The following BTBD2 variants were observed in gnomAD, a reference collection of about 807,000 sequenced individuals.
The protein encoded by BTBD2 is BTB/POZ domain-containing protein 2.
BTBD2 carries 15 observed loss-of-function variants against 44.0 expected under a neutral mutation model. The observed-to-expected ratio is 0.34, with a 90% CI of 0.23 to 0.53. The LOEUF is 0.53. Among genes scored for constraint, BTBD2 ranks in the 20% least tolerant of loss-of-function variants. The pLI is 0.95. For missense variants in BTBD2, 657 were observed against 746.4 expected (o/e 0.88, Z 1.39); for synonymous variants, 443 against 335.9 (o/e 1.32, Z -3.49).
intron 2 of BTBD2, among the ~76,000 whole-genome samples, chr19:1,995,285 T>C (rs2016236227): frequency 1.8e-5 from 1 of 56,394 alleles, no homozygotes; most frequent in African/African-American, 1.4e-4. Flanking sequence ...GATTCTTTTT[T>C]TTTTTTTTTT....
At position 1,986,902 on chromosome 19, in the gene BTBD2, G is replaced by C. The variant is rs771854296; in HGVS notation, c.1344C>G (p.Thr448=). The C allele has an allele frequency of 6.2e-7, 1 of 1,613,268 alleles. No homozygotes were observed. The highest frequency in any genetic ancestry group is 8.5e-7 in the Non-Finnish European group (1 of 1,179,824). ...CCGGCTCCTTGAACATGACGCGGAA[G>C]GTGCTGGCTGAGCCGTCGCAGCTGA... ...TGFSCDGSAS[T]FRVMFKEPVE... is the part of the protein sequence containing the mutation. Residue 448 remains threonine, a synonymous_variant, in exon 8 of 9, where the codon ACC becomes ACG. Coordinates refer to ENST00000255608, the MANE Select transcript of BTBD2 (RefSeq NM_017797.4).
At chr19:2,002,444 T>C (rs1387143601) in intron 1 of BTBD2, 3 of 152,200 alleles carry the variant, frequency 2.0e-5, no homozygotes, top group Non-Finnish European at 4.4e-5. Flanking sequence ...GGACTCCTGA[T>C]TTTAGTCAGA....
chr19:1,997,178 T>C (rs2016261983), intron 2 of BTBD2, among the ~76,000 whole-genome samples, 166 bp downstream of exon 2: 1 of 151,046 alleles, frequency 6.6e-6, no homozygotes, highest in Admixed American at 6.6e-5. Context: ...AGACTCCATC[T>C]CAAAAAGAAA....
intron 1 of BTBD2, among the ~76,000 whole-genome samples, chr19:2,008,707 C>T (rs949058482): frequency 3.3e-5 from 5 of 151,334 alleles, no homozygotes; most frequent in African/African-American, 7.3e-5. Context: ...TCCTCCTACC[C>T]GAGCCTCCTG....
chr19:2,009,615 G>A (rs1394904824), intron 1 of BTBD2, among the ~76,000 whole-genome samples: 6 of 151,964 alleles, frequency 3.9e-5, no homozygotes, highest in African/African-American at 1.2e-4. Flanking sequence ...TTGGGAGGCC[G>A]AGGTGGGTGG....
intron 1 of BTBD2, among the ~76,000 whole-genome samples, chr19:1,998,885 C>T (rs907910314): frequency 6.6e-6 from 1 of 152,090 alleles, no homozygotes; most frequent in Non-Finnish European, 1.5e-5. Flanking sequence ...TGCCCCAGGA[C>T]GTTGCGGTCC....
At chr19:2,009,714 G>A (rs913209377) in intron 1 of BTBD2, among the ~76,000 whole-genome samples, 7 of 152,008 alleles carry the variant, frequency 4.6e-5, no homozygotes, top group Non-Finnish European at 1.0e-4. Context: ...GCTGGGCGTG[G>A]TGGCGCACAC....
At chr19:2,003,257 A>C (rs1168203757) in intron 1 of BTBD2, 2 of 150,662 alleles carry the variant, frequency 1.3e-5, no homozygotes, top group East Asian at 4.0e-4. Context: ...GCAGATCACA[A>C]GGTCGGGAGT....
Position 1,986,126 on chromosome 19 carries a change from T to C in BTBD2, c.*362A>G, listed in dbSNP as rs777608231. On this transcript the variant is annotated 3_prime_UTR_variant, in exon 9 of 9. Transcript: ENST00000255608. ...ATCGCAAATGCATTGCAATGTGCAG[T>C]GAAGAGACGCGAGGGACGCCCGCGG... 3.7e-4 allele frequency: 109 copies of C among 290,734 alleles called. 1 individual carries two copies. The highest frequency in any genetic ancestry group is 1.1e-3 in the Middle Eastern group (1 of 952). 18.0% of individuals were successfully genotyped at this position (290,734 alleles called of 1,614,324 possible).
chr19:2,001,965 T>C (rs747806861), intron 1 of BTBD2, among the ~76,000 whole-genome samples: 1 of 152,192 alleles, frequency 6.6e-6, no homozygotes, highest in Non-Finnish European at 1.5e-5. Context: ...GGCCTCGAAC[T>C]CCTGACGTCA....
intron 2 of BTBD2, among the ~76,000 whole-genome samples, chr19:1,993,995 C>CAAAAAAAA (rs542137742): frequency 4.0e-5 from 1 of 24,940 alleles, no homozygotes; most frequent in Non-Finnish European, 7.1e-5. Context: ...GAATCCGTCT[C>CAAAAAAAA]AAAAAAAAAA....
chr19:2,013,329 C>G (rs144524550), intron 1 of BTBD2, among the ~76,000 whole-genome samples: 1 of 151,644 alleles, frequency 6.6e-6, no homozygotes, highest in Non-Finnish European at 1.5e-5. Context: ...GGCCTGGGGC[C>G]GGTACCCCGC....
chr19:1,997,318 C>T (rs918124582), intron 2 of BTBD2, 26 bp downstream of exon 2: 3 of 1,613,714 alleles, frequency 1.9e-6, no homozygotes, highest in African/African-American at 2.7e-5. Flanking sequence ...CCCAGCTCCC[C>T]AGCAGGAAGC....
At position 1,990,751 on chromosome 19, in the gene BTBD2, G is replaced by A. The variant is rs752787818; in HGVS notation, c.756C>T (p.Ala252=). The A allele has an allele frequency of 2.5e-6, 4 of 1,603,252 alleles. 1 individual carries two copies. The Admixed American group carries it at 5.1e-5, about 20-fold the overall frequency. ...TGTCGGTGAAGCCCTCCGCGGTGAT[G>A]GCGTCTGCAGTGTTTTTGTCGATGT... ...LENIDKNTAD[A]ITAEGFTDID... Residue 252 remains alanine (A), a synonymous_variant, in exon 4 of 9, where the codon GCC becomes GCT. Transcript: ENST00000255608.
intron 1 of BTBD2, among the ~76,000 whole-genome samples, chr19:2,000,161 G>C (rs988827018): frequency 2.0e-5 from 3 of 151,966 alleles, no homozygotes; most frequent in Non-Finnish European, 2.9e-5. Context: ...CTGGGCTCCG[G>C]GACTGGCAGA....
At chr19:1,988,126 G>A (rs901719742) in intron 5 of BTBD2, 1 of 166,880 alleles carries the variant, frequency 6.0e-6, no homozygotes, top group African/African-American at 2.4e-5. Flanking sequence ...GCTTCTAGAA[G>A]CAGTCTGGGG....
chr19:2,003,578 A>G (rs7252044), intron 1 of BTBD2: 31,411 of 151,918 alleles, frequency 0.21, 3,684 homozygotes, highest in East Asian at 0.31. Flanking sequence ...AGACCAGCCT[A>G]ACCAACATGG....
Position 2,015,296 on chromosome 19 carries a change from C to A in BTBD2, c.407+1G>T. ...AGGGCTGGCGGGGTCGGGGCGCCCA[C>A]CTGTGCGCGGGGATGCGCTGCGAGC... On this transcript the variant is annotated splice_donor_variant, in intron 1 of 8. Transcript: ENST00000255608. LOFTEE classifies it high-confidence loss of function. The A allele has an allele frequency of 6.4e-7, 1 of 1,553,184 alleles. No homozygotes were observed. The highest frequency in any genetic ancestry group is 1.4e-5 in the African/African-American group (1 of 73,400).
At position 2,011,947 on chromosome 19, in the gene BTBD2, C is replaced by T. The variant is rs550749333; in HGVS notation, c.407+3350G>A. 2.8e-3 allele frequency among the ~76,000 whole-genome samples: 420 copies of T among 151,660 alleles called. 1 individual carries two copies. The highest frequency in any genetic ancestry group is 4.9e-3 in the Non-Finnish European group (333 of 67,864). The stretch of plus-strand genomic sequence containing the variant: ...TCGGCTCACTGCAACCTCCGCCTCC[C>T]GGGTTCAAGTGATTCTCCTGCCTCA... On this transcript the variant is annotated intron_variant, in intron 1 of 8. Transcript: ENST00000255608.
Sources: allele counts gnomAD v4.1 joint callset (sites outside exome capture counted in the v4.1 genomes callset), GRCh38; gene constraint gnomAD v4.1.1; transcripts MANE v1.5; gene names NCBI Gene and HGNC (gene_info 2026-07-23, HGNC 2026-07-21).